FIZ1: variants seen among roughly 807,000 people sequenced by gnomAD.
FIZ1 encodes FLT3 interacting zinc finger 1, also known as flt3-interacting zinc finger protein 1.
A neutral mutation model predicts 5.3 loss-of-function variants in FIZ1; 2 were observed. The ratio of observed to expected loss-of-function variants is 0.37; its 90% CI spans 0.15 to 1.18. FIZ1 has a LOEUF of 1.18. Ranked by LOEUF, FIZ1 falls within the 50% of genes most tolerant of loss-of-function variation. The pLI is 0.37. For synonymous variants in FIZ1, 407 were observed against 364.2 expected (o/e 1.12, Z -1.34); for missense variants, 631 against 749.7 (o/e 0.84, Z 1.85).
Position 55,593,436 on chromosome 19 carries a change from C to A in FIZ1, c.505G>T (p.Gly169Cys). ...PCSVCGGSGAGGGEGPEGAGA... is the reference protein window; with the variant it reads ...PCSVCGGSGACGGEGPEGAGA... Reference sequence around the variant, plus strand: ...GCCCCCTCGGGGCCCTCTCCGCCGCCGGCCCCTGAGCCCCCGCACACCGAG... The same window carrying A: ...GCCCCCTCGGGGCCCTCTCCGCCGCAGGCCCCTGAGCCCCCGCACACCGAG... The change falls in exon 3 of 3, where the codon GGC (glycine) becomes TGC (cysteine). Residue 169 changes from glycine to cysteine, a missense_variant. Transcript: ENST00000221665. This position sits in a 1 kb window ranked among gnomAD's most constrained non-coding sequence, Gnocchi z 6.3. 6.5e-7 allele frequency: 1 copy of A among 1,531,666 alleles called. No individual in the cohort carries two copies. 94.9% of individuals were successfully genotyped at this position (1,531,666 alleles called of 1,614,324 possible).
chr19:55,593,294 G>T lies in FIZ1; in HGVS notation c.647C>A (p.Ala216Glu). Residue 216 changes from alanine to glutamate, a missense_variant, in exon 3 of 3, where the codon GCG becomes GAG. By Grantham distance (107) the Ala-to-Glu change is moderately radical (BLOSUM62 -1). Coordinates refer to ENST00000221665, the MANE Select transcript of FIZ1 (RefSeq NM_032836.3). The surrounding 1 kb of genome is among the most constrained non-coding windows in gnomAD (Gnocchi z 6.3). ...GTCGGTGTGCGCCGCCCAGTGGGCCGCCAGCTCGCGGCCGTGGTCGAAGCG... is the reference window on the plus strand; with the variant it reads ...GTCGGTGTGCGCCGCCCAGTGGGCCTCCAGCTCGCGGCCGTGGTCGAAGCG... ...ARRFDHGREL[A>E]AHWAAHTDVK... The T allele has an allele frequency of 4.8e-6, 6 of 1,256,154 alleles. No homozygotes were observed. Among genetic ancestry groups the T allele is most frequent in the Non-Finnish European group, 6.0e-6 (6 of 993,436 alleles). 77.8% of individuals were successfully genotyped at this position (1,256,154 alleles called of 1,614,324 possible).
Position 55,597,847 on chromosome 19 carries a change from G to GGGCGGGGACGTCATCCATGGT in FIZ1, c.-3_18dup (p.Ala6_Pro7insThrMetAspAspValProAla), listed in dbSNP as rs1568518360. The GGGCGGGGACGTCATCCATGGT allele has an allele frequency of 1.2e-5, 19 of 1,597,866 alleles. No homozygotes were observed. In the Admixed American group the frequency reaches 3.3e-4, roughly 28 times the overall value. ...GCGGGCGGTGCTGGTGCAGGGGTTGGGGCGGGGACGTCATCCATGGTGGCG... is the reference window on the plus strand; with the variant it reads ...GCGGGCGGTGCTGGTGCAGGGGTTGGGGCGGGGACGTCATCCATGGTGGCGGGGACGTCATCCATGGTGGCG... On this transcript the variant is annotated inframe_insertion, in exon 2 of 3. Transcript: ENST00000221665.
intron 1 of FIZ1, 68 bp downstream of exon 1, chr19:55,599,406 G>A (rs990021440): frequency 1.3e-5 from 2 of 152,308 alleles, no homozygotes; most frequent in Non-Finnish European, 2.9e-5. Context: ...CGGAGCGTTG[G>A]TCCTGGAGAC....
intron 2 of FIZ1, among the ~76,000 whole-genome samples, chr19:55,596,704 G>A (rs1031447484): frequency 6.6e-5 from 10 of 152,140 alleles, no homozygotes; most frequent in Admixed American, 1.3e-4. Context: ...ACTGAGTCTC[G>A]CTCTGTCGCC....
Position 55,592,564 on chromosome 19 carries a change from G to A in FIZ1, c.1377C>T (p.Arg459=), listed in dbSNP as rs763843892. Residue 459 remains arginine, a synonymous_variant, in exon 3 of 3, where the codon CGC becomes CGT. Coordinates refer to ENST00000221665, the MANE Select transcript of FIZ1 (RefSeq NM_032836.3). The surrounding 1 kb of genome is among the most constrained non-coding windows in gnomAD (Gnocchi z 6.9). ...GCTCGGTGCCGTGCAGCAGCCGGTG[G>A]CGCTTGAGGTAGCACTCGTGGCGGA... ...KFFRHECYLK[R]HRLLHGTERP... 5.0e-6 allele frequency: 8 copies of A among 1,612,540 alleles called. No individual in the cohort carries two copies. The highest frequency in any genetic ancestry group is 6.8e-6 in the Non-Finnish European group (8 of 1,179,414).
In FIZ1 at chr19:55,592,069, G is replaced by A. The variant is rs987937455; in HGVS notation, c.*381C>T. 1 of 208,304 alleles carries A rather than the reference G, an allele frequency of 4.8e-6. No homozygotes were observed. The highest frequency in any genetic ancestry group is 9.5e-6 in the Non-Finnish European group (1 of 105,498). 12.9% of individuals were successfully genotyped at this position (208,304 alleles called of 1,614,324 possible). On this transcript the variant is annotated 3_prime_UTR_variant, in exon 3 of 3. Coordinates refer to ENST00000221665, the MANE Select transcript of FIZ1 (RefSeq NM_032836.3). The surrounding 1 kb of genome is among the most constrained non-coding windows in gnomAD (Gnocchi z 6.9). The stretch of plus-strand genomic sequence containing the variant: ...GGAATGGGGCAGTCTTCCCTTGGTG[G>A]GGGTGGGTGCCCATCTTTTAGTATT...
chr19:55,593,131 CCCTGCGCCTGGCCCCGCGGCCCAGG>C lies in FIZ1; in HGVS notation c.785_809del (p.Ala262GlyfsTer220). 1 of 1,229,940 alleles carries C rather than the reference CCCTGCGCCTGGCCCCGCGGCCCAGG, an allele frequency of 8.1e-7. No homozygotes were observed. The allele number at this position is 1,229,940 out of a possible 1,614,324, so 76.2% of individuals were successfully genotyped here. On this transcript the variant is annotated frameshift_variant, in exon 3 of 3. Transcript: ENST00000221665. LOFTEE classifies it low-confidence loss of function (END_TRUNC). The surrounding 1 kb of genome is among the most constrained non-coding windows in gnomAD (Gnocchi z 6.3). ...CGGTGCCTTCGCCCGCCGTCTCGGG[CCCTGCGCCTGGCCCCGCGGCCCAGG>C]CCTGCGCTGGGGGCGCGCCCGGGCC... is the stretch of plus-strand genomic sequence containing the variant.
chr19:55,593,384 A>G lies in FIZ1; in HGVS notation c.557T>C (p.Leu186Pro). 1 of 1,384,122 alleles carries G rather than the reference A, an allele frequency of 7.2e-7. No homozygotes were observed. Among genetic ancestry groups the G allele is most frequent in the East Asian group, 3.0e-5 (1 of 32,804 alleles). 85.7% of individuals were successfully genotyped at this position (1,384,122 alleles called of 1,614,324 possible). Residue 186 changes from leucine to proline, a missense_variant, in exon 3 of 3, where the codon CTG becomes CCG. Around this residue, in one of 4 missense-constraint regions of FIZ1, gnomAD observed 463 missense variants for 455.1 expected, o/e 1.02. Coordinates refer to ENST00000221665, the MANE Select transcript of FIZ1 (RefSeq NM_032836.3). The surrounding 1 kb of genome is among the most constrained non-coding windows in gnomAD (Gnocchi z 6.3). ...GAGAGLGSWG[L>P]AEAAAAAAAS... is the part of the protein sequence containing the mutation. ...CGCGGCCGCAGCTGCCGCCTCTGCC[A>G]GCCCCCAGCTGCCCAGACCCGCGCC...
At chr19:55,594,447 T>C (rs1434679235) in intron 2 of FIZ1, among the ~76,000 whole-genome samples, 1 of 143,396 alleles carries the variant, frequency 7.0e-6, no homozygotes, top group Non-Finnish European at 1.5e-5. Flanking sequence ...CCTGTAATCC[T>C]AGCACTTTGG....
chr19:55,592,886 T>A lies in FIZ1; in HGVS notation c.1055A>T (p.His352Leu). ...AAALASHLEA[H>L]SGPATYGCGH... Reference sequence around the variant, plus strand: ...GCAGCCGTAGGTGGCCGGGCCCGAGTGGGCCTCCAGGTGACTGGCCAGGGC... The same window carrying A: ...GCAGCCGTAGGTGGCCGGGCCCGAGAGGGCCTCCAGGTGACTGGCCAGGGC... Residue 352 changes from histidine to leucine, a missense_variant, in exon 3 of 3, where the codon CAC becomes CTC. Physicochemically the swap from His to Leu is moderately conservative, Grantham distance 99. Transcript: ENST00000221665. The surrounding 1 kb of genome is among the most constrained non-coding windows in gnomAD (Gnocchi z 6.9). The A allele has an allele frequency of 6.5e-7, 1 of 1,536,850 alleles. No homozygotes were observed. Among genetic ancestry groups the A allele is most frequent in the Non-Finnish European group, 8.7e-7 (1 of 1,148,170 alleles).
Position 55,593,346 on chromosome 19 carries a change from G to A in FIZ1, c.595C>T (p.Pro199Ser). The change falls in exon 3 of 3, where the codon CCA (proline) becomes TCA (serine). Residue 199 changes from proline to serine, a missense_variant. Physicochemically the swap from Pro to Ser is moderately conservative, Grantham distance 74. Around this residue, in one of 4 missense-constraint regions of FIZ1, gnomAD observed 463 missense variants for 455.1 expected, o/e 1.02. Transcript: ENST00000221665. This position sits in a 1 kb window ranked among gnomAD's most constrained non-coding sequence, Gnocchi z 6.3. ...CGCGCGCAGGCGCCGCACGCAAATG[G>A]GGGCAAGGAGGCCGCGGCCGCAGCT... ...AAAAAAASLP[P>S]FACGACARRF... 2 of 1,327,206 alleles carry A rather than the reference G, an allele frequency of 1.5e-6. No individual in the cohort carries two copies. The highest frequency in any genetic ancestry group is 9.6e-7 in the Non-Finnish European group (1 of 1,044,410). 82.2% of individuals were successfully genotyped at this position (1,327,206 alleles called of 1,614,324 possible). A position where few individuals can be genotyped will look rare whatever the true frequency, so the allele number is the denominator to read the frequency against.
Position 55,593,024 on chromosome 19 carries a change from C to A in FIZ1, c.917G>T (p.Gly306Val). Reference sequence around the variant, plus strand: ...CCCACCGCCCTCGGGGAGCAGCCCCCCGAGCTTGGGCACGCCGCCCCCCGC... The same window carrying A: ...CCCACCGCCCTCGGGGAGCAGCCCCACGAGCTTGGGCACGCCGCCCCCCGC... The part of the protein sequence containing the change: ...GPAGGGVPKL[G>V]GLLPEGGGEA... The change falls in exon 3 of 3, where the codon GGG becomes GTG. Residue 306 changes from glycine (G) to valine (V), a missense_variant. By Grantham distance (109) the Gly-to-Val change is moderately radical. Transcript: ENST00000221665. This position sits in a 1 kb window ranked among gnomAD's most constrained non-coding sequence, Gnocchi z 6.3. 1 of 1,444,566 alleles carries A rather than the reference C, an allele frequency of 6.9e-7. No homozygotes were observed. Among genetic ancestry groups the A allele is most frequent in the Non-Finnish European group, 9.0e-7 (1 of 1,107,572 alleles). The allele number at this position is 1,444,566 out of a possible 1,614,324, so 89.5% of individuals were successfully genotyped here.
chr19:55,593,440 C>T lies in FIZ1; in HGVS notation c.501G>A (p.Gly167=). ...VGPCSVCGGS[G]AGGGEGPEGA... ...CCTCGGGGCCCTCTCCGCCGCCGGC[C>T]CCTGAGCCCCCGCACACCGAGCAGG... The change falls in exon 3 of 3, where the codon GGG becomes GGA. Residue 167 remains glycine, a synonymous_variant. Coordinates refer to ENST00000221665, the MANE Select transcript of FIZ1 (RefSeq NM_032836.3). The surrounding 1 kb of genome is among the most constrained non-coding windows in gnomAD (Gnocchi z 6.3). 1 of 1,536,650 alleles carries T rather than the reference C, an allele frequency of 6.5e-7. No individual in the cohort carries two copies. The highest frequency in any genetic ancestry group is 1.2e-5 in the South Asian group (1 of 83,368).
Position 55,592,726 on chromosome 19 carries a change from A to T in FIZ1, c.1215T>A (p.Ser405=). ...EREPASGEPP[S]GSGRGKKIFG... is the part of the protein sequence containing the mutation. ...AGATCTTCTTGCCGCGGCCGGAGCC[A>T]GACGGGGGTTCCCCGGACGCCGGTT... Residue 405 remains serine, a synonymous_variant, in exon 3 of 3, where the codon TCT becomes TCA. Coordinates refer to ENST00000221665, the MANE Select transcript of FIZ1 (RefSeq NM_032836.3). The surrounding 1 kb of genome is among the most constrained non-coding windows in gnomAD (Gnocchi z 6.9). 1 of 1,612,094 alleles carries T rather than the reference A, an allele frequency of 6.2e-7. No individual in the cohort carries two copies. The highest frequency in any genetic ancestry group is 8.5e-7 in the Non-Finnish European group (1 of 1,179,608).
intron 2 of FIZ1, among the ~76,000 whole-genome samples, chr19:55,594,696 C>CAAAAAA (rs71181796): frequency 6.9e-5 from 6 of 86,946 alleles, no homozygotes; most frequent in African/African-American, 1.2e-4. Flanking sequence ...GACTCTGTCT[C>CAAAAAA]AAAAAAAAAA....
intron 1 of FIZ1, chr19:55,598,984 C>G (rs1419189886): frequency 6.5e-6 from 1 of 152,852 alleles, no homozygotes; most frequent in East Asian, 1.9e-4. Context: ...CCTGGGCTCC[C>G]TTTACCCAAC....
intron 2 of FIZ1, among the ~76,000 whole-genome samples, chr19:55,595,025 T>C (rs1233031500): frequency 6.6e-6 from 1 of 152,234 alleles, no homozygotes; most frequent in Non-Finnish European, 1.5e-5. Context: ...TTCTGAGGCA[T>C]TGCCAGGCTT....
In FIZ1 at chr19:55,592,515, C is replaced by T. The variant is rs768972120; in HGVS notation, c.1426G>A (p.Gly476Ser). 5 of 1,602,612 alleles carry T rather than the reference C, an allele frequency of 3.1e-6. No individual in the cohort carries two copies. The highest frequency in any genetic ancestry group is 1.3e-5 in the African/African-American group (1 of 74,914). ...TTGCTGAGCGTGATGAAGCCCTTGC[C>T]GCAGATGTGGCAAGGGAAGGGCCGC... The part of the protein sequence containing the change: ...TERPFPCHIC[G>S]KGFITLSNLS... Residue 476 changes from glycine to serine, a missense_variant, in exon 3 of 3, where the codon GGC (glycine) becomes AGC (serine). Gly to Ser is a moderately conservative substitution (Grantham distance 56). Coordinates refer to ENST00000221665, the MANE Select transcript of FIZ1 (RefSeq NM_032836.3). The surrounding 1 kb of genome is among the most constrained non-coding windows in gnomAD (Gnocchi z 6.9).
intron 2 of FIZ1, among the ~76,000 whole-genome samples, chr19:55,596,730 T>C (rs1980345492): frequency 6.6e-6 from 1 of 152,210 alleles, no homozygotes. Flanking sequence ...TAGAGTGCAA[T>C]GGTGCAATCT....
Sources: allele counts gnomAD v4.1 joint callset (sites outside exome capture counted in the v4.1 genomes callset), GRCh38; gene constraint gnomAD v4.1.1; regional missense constraint gnomAD v4.1.1; non-coding constraint Gnocchi (gnomAD v3.1); transcripts MANE v1.5; gene names NCBI Gene and HGNC (gene_info 2026-07-23, HGNC 2026-07-21).